CDH22: variants seen among roughly 807,000 people sequenced by gnomAD.
CDH22 encodes the protein cadherin-22.
A neutral mutation model predicts 58.4 loss-of-function variants in CDH22; 30 were observed. The ratio of observed to expected loss-of-function variants is 0.51; its 90% CI spans 0.38 to 0.70. The LOEUF (loss-of-function observed/expected upper bound fraction) is 0.70, where lower values mean the gene tolerates loss of function less well. Ranked by LOEUF, CDH22 falls within the 30% of genes least tolerant of loss-of-function variation. The pLI is 0.00. For synonymous variants in CDH22, 513 were observed against 558.2 expected, an observed-to-expected ratio of 0.92 and a Z score of 1.14; for missense variants, 1,014 against 1,233.9, an observed-to-expected ratio of 0.82 and a Z score of 2.67.
Position 46,213,007 on chromosome 20 carries a change from G to A in CDH22, c.1020C>T (p.Ile340=). 2.5e-6 allele frequency: 4 copies of A among 1,614,030 alleles called. No homozygotes were observed. The highest frequency in any genetic ancestry group is 1.7e-5 in the Admixed American group (1 of 60,016). Residue 340 remains isoleucine, a synonymous_variant, in exon 6 of 12, where the codon ATC becomes ATT. Coordinates refer to ENST00000537909, the MANE Select transcript of CDH22 (RefSeq NM_021248.3). ...GAGGCAGCTGCACCTTCTGCACTAC[G>A]ATGATGGCCTCCTGAGTGTCGCTGT... ...TTDSDTQEAI[I]VVQKRLDFES...
At chr20:46,195,690 T>G (rs1022656151) in intron 8 of CDH22, among the ~76,000 whole-genome samples, 3 of 146,394 alleles carry the variant, frequency 2.0e-5, no homozygotes, top group Non-Finnish European at 3.0e-5. Context: ...AGACACAAAT[T>G]GTACTTTAAA....
At chr20:46,186,481 A>G in intron 10 of CDH22, 107 bp downstream of exon 10, 1 of 789,282 alleles carries the variant, frequency 1.3e-6, no homozygotes, top group Non-Finnish European at 2.1e-6. Context: ...GTGATCTTAG[A>G]TCCAACATAG....
intron 8 of CDH22, among the ~76,000 whole-genome samples, chr20:46,195,889 C>A (rs1469133670): frequency 6.6e-6 from 1 of 152,192 alleles, no homozygotes; most frequent in Non-Finnish European, 1.5e-5. Context: ...GTGCAACATT[C>A]TCCGAGGTGC....
chr20:46,229,346 C>T (rs2070219536), intron 3 of CDH22, among the ~76,000 whole-genome samples: 1 of 143,712 alleles, frequency 7.0e-6, no homozygotes, highest in Non-Finnish European at 1.5e-5. Context: ...AAAGATTTCA[C>T]TGAGGGCACA....
At chr20:46,294,531 C>T (rs1381193584) in intron 1 of CDH22, among the ~76,000 whole-genome samples, 11 of 152,252 alleles carry the variant, frequency 7.2e-5, no homozygotes, top group East Asian at 3.9e-4. Context: ...TTCAATTACA[C>T]GGATTATTTG....
At chr20:46,187,571 TCAC>T (rs1264501381) in intron 8 of CDH22, among the ~76,000 whole-genome samples, 6 of 151,512 alleles carry the variant, frequency 4.0e-5, no homozygotes, top group Non-Finnish European at 7.4e-5. Context: ...ATCACTACCC[TCAC>T]CACCACCACC....
intron 3 of CDH22, among the ~76,000 whole-genome samples, chr20:46,237,716 G>GT (rs1443941877): frequency 2.6e-5 from 4 of 152,150 alleles, no homozygotes; most frequent in Non-Finnish European, 5.9e-5. Context: ...ACAGAGCTGG[G>GT]TCTCCATAGG....
In CDH22 at chr20:46,276,058, A is replaced by G. The variant is rs554890087; in HGVS notation, c.-399-24365T>C. Among the ~76,000 whole-genome samples, 4 of 152,274 alleles carry G rather than the reference A, an allele frequency of 2.6e-5. No homozygotes were observed. The South Asian group carries it at 6.2e-4, about 24-fold the overall frequency. On this transcript the variant is annotated intron_variant, in intron 1 of 11. Coordinates refer to ENST00000537909, the MANE Select transcript of CDH22 (RefSeq NM_021248.3). ...GTTTGGGGAATTTATTCCAGCTGAA[A>G]TATGAACTGTGATGGGGGCAGAGGA...
intron 7 of CDH22, among the ~76,000 whole-genome samples, chr20:46,209,406 C>T (rs538370381): frequency 6.6e-6 from 1 of 152,154 alleles, no homozygotes; most frequent in African/African-American, 2.4e-5. Flanking sequence ...TCAGGGAGGC[C>T]AGAGCTGTCA....
chr20:46,300,090 G>A lies in CDH22; in HGVS notation c.-400+8165C>T, dbSNP rs2425861. Among the ~76,000 whole-genome samples the A allele has an allele frequency of 2.6e-5, 4 of 151,834 alleles. No individual in the cohort carries two copies. The highest frequency in any genetic ancestry group is 9.7e-5 in the African/African-American group (4 of 41,272). On this transcript the variant is annotated intron_variant, in intron 1 of 11. Transcript: ENST00000537909. The surrounding 1 kb of genome is among the most constrained non-coding windows in gnomAD (Gnocchi z 4.4). ...TGGGCAAGTTCCAGCCTCTCCCTGG[G>A]CCTCAGTTTCCCTTCTGTATCAAGG...
chr20:46,223,707 T>TTCTTTCCTC (rs1568664197), intron 4 of CDH22, among the ~76,000 whole-genome samples: 1 of 80,382 alleles, frequency 1.2e-5, no homozygotes, highest in Admixed American at 1.3e-4. Context: ...CTTTCTTTCT[T>TTCTTTCCTC]TCTTTCTTTT....
chr20:46,249,977 A>G (rs1206017291), intron 2 of CDH22, among the ~76,000 whole-genome samples: 1 of 152,134 alleles, frequency 6.6e-6, no homozygotes, highest in African/African-American at 2.4e-5. Flanking sequence ...CCTGGTGCTG[A>G]CTCATGAAGC....
chr20:46,213,031 G>T lies in CDH22; in HGVS notation c.996C>A (p.Asp332Glu). Residue 332 changes from aspartate to glutamate, a missense_variant, in exon 6 of 12, where the codon GAC becomes GAA. Asp to Glu is a conservative substitution (Grantham distance 45, BLOSUM62 2). This residue lies in a region of CDH22 where 806 missense variants were observed against 1,038.7 expected (regional missense o/e 0.78). Coordinates refer to ENST00000537909, the MANE Select transcript of CDH22 (RefSeq NM_021248.3). ...CGATGATGGCCTCCTGAGTGTCGCTGTCTGTGGTGACCTTGAACACATCGC... is the reference window on the plus strand; with the variant it reads ...CGATGATGGCCTCCTGAGTGTCGCTTTCTGTGGTGACCTTGAACACATCGC... ...SGGDVFKVTT[D>E]SDTQEAIIVV... 6.2e-7 allele frequency: 1 copy of T among 1,614,202 alleles called. No individual in the cohort carries two copies. The highest frequency in any genetic ancestry group is 8.5e-7 in the Non-Finnish European group (1 of 1,180,022).
intron 1 of CDH22, among the ~76,000 whole-genome samples, chr20:46,292,733 C>T (rs73301976): frequency 5.9e-5 from 9 of 152,258 alleles, no homozygotes; most frequent in African/African-American, 1.7e-4. Flanking sequence ...TTCTTCCCTG[C>T]GTTGGTTCAT....
chr20:46,251,260 G>A lies in CDH22; in HGVS notation c.35C>T (p.Ala12Val). ...RPRPEGRGLR[A>V]GVALSPALLL... ...TAGCGCGGGGGACAGCGCGACTCCCGCCCGGAGCCCCCTACCTTCGGGCCT... is the reference window on the plus strand; with the variant it reads ...TAGCGCGGGGGACAGCGCGACTCCCACCCGGAGCCCCCTACCTTCGGGCCT... Residue 12 changes from alanine (A) to valine (V), a missense_variant, in exon 2 of 12, where the codon GCG (alanine) becomes GTG (valine). Physicochemically the swap from Ala to Val is moderately conservative, Grantham distance 64. Coordinates refer to ENST00000537909, the MANE Select transcript of CDH22 (RefSeq NM_021248.3). The surrounding 1 kb of genome is among the most constrained non-coding windows in gnomAD (Gnocchi z 6.7). 1 of 1,464,390 alleles carries A rather than the reference G, an allele frequency of 6.8e-7. No individual in the cohort carries two copies. The highest frequency in any genetic ancestry group is 9.0e-7 in the Non-Finnish European group (1 of 1,113,548). 90.7% of individuals were successfully genotyped at this position (1,464,390 alleles called of 1,614,324 possible).
rs535502871 is a variant in CDH22 at position 46,274,305 on chromosome 20, G to C, written c.-399-22612C>G. Among the ~76,000 whole-genome samples the C allele has an allele frequency of 1.9e-3, 283 of 151,562 alleles. 1 individual carries two copies. Among genetic ancestry groups the C allele is most frequent in the African/African-American group, 6.7e-3 (274 of 40,968 alleles). On this transcript the variant is annotated intron_variant, in intron 1 of 11. Coordinates refer to ENST00000537909, the MANE Select transcript of CDH22 (RefSeq NM_021248.3). ...GCTGGGAAGGCTGGGTTTGCAGCCA[G>C]GGTTTCCCTGGCCTAGGTCCTCAAC...
At position 46,308,423 on chromosome 20, in the gene CDH22, G is replaced by A; in HGVS notation, c.-568C>T. ...GCCGCGGCGGCGTGTGCGCGCGTGTGTGTGAGCGAGAGAGCGAGAGAGCGA... is the reference window on the plus strand; with the variant it reads ...GCCGCGGCGGCGTGTGCGCGCGTGTATGTGAGCGAGAGAGCGAGAGAGCGA... On this transcript the variant is annotated 5_prime_UTR_variant, in exon 1 of 12. Coordinates refer to ENST00000537909, the MANE Select transcript of CDH22 (RefSeq NM_021248.3). The surrounding 1 kb of genome is among the most constrained non-coding windows in gnomAD (Gnocchi z 4.3). 4.6e-6 allele frequency: 1 copy of A among 215,970 alleles called. No homozygotes were observed. The highest frequency in any genetic ancestry group is 9.3e-6 in the Non-Finnish European group (1 of 107,338). The allele number at this position is 215,970 out of a possible 1,614,324, so 13.4% of individuals were successfully genotyped here.
chr20:46,252,187 C>T (rs2086381401), intron 1 of CDH22, among the ~76,000 whole-genome samples: 1 of 152,254 alleles, frequency 6.6e-6, no homozygotes, highest in South Asian at 2.1e-4. Context: ...CATCGCAGCA[C>T]AGACAGGTCA....
At chr20:46,258,282 G>A (rs368754777) in intron 1 of CDH22, among the ~76,000 whole-genome samples, 1 of 152,094 alleles carries the variant, frequency 6.6e-6, no homozygotes, top group South Asian at 2.1e-4. Context: ...AGGTTCATTT[G>A]CCTGTTGCCC....
Sources: gnomAD v4.1 joint callset for allele counts (sites outside exome capture counted in the v4.1 genomes callset) on GRCh38, gnomAD v4.1.1 for gene constraint, gnomAD v4.1.1 regional missense constraint, Gnocchi (gnomAD v3.1) non-coding constraint, MANE v1.5 for transcripts, NCBI Gene and HGNC (gene_info 2026-07-23, HGNC 2026-07-21) for gene names.